PDGFRA: variants seen among roughly 807,000 people sequenced by gnomAD.
The protein encoded by PDGFRA is platelet-derived growth factor receptor alpha.
Under a neutral mutation model 121.5 loss-of-function variants are expected in PDGFRA, and 25 were observed. That is an observed-to-expected ratio of 0.21 (90% CI 0.15 to 0.29). The LOEUF is 0.29. PDGFRA is among the 10% of genes least tolerant of loss of function. The probability of loss-of-function intolerance (pLI) is 1.00; values close to 1 mark genes in which losing one functional copy is unlikely to be tolerated. For missense variants in PDGFRA, 1,008 were observed against 1,345.1 expected, an observed-to-expected ratio of 0.75 and a Z score of 3.92; for synonymous variants, 463 against 494.8, an observed-to-expected ratio of 0.94 and a Z score of 0.85.
At position 54,246,862 on chromosome 4, in the gene PDGFRA, C is replaced by CAA. The variant is rs201183794; in HGVS notation, c.-12-11885_-12-11884dup. Among the ~76,000 whole-genome samples, 444 of 143,308 alleles carry CAA rather than the reference C, an allele frequency of 3.1e-3. 4 individuals carry two copies. Among genetic ancestry groups the CAA allele is most frequent in the East Asian group, 8.9e-3 (44 of 4,932 alleles). The allele number at this position is 143,308 out of a possible 152,430, so 94.0% of individuals were successfully genotyped here. A position where few individuals can be genotyped will look rare whatever the true frequency, so the allele number is the denominator to read the frequency against. ...AAAAGAGAGAAGAATCAAATAGACG[C>CAA]AAAAAAAAAAATGATAAAGGGGATA... is the stretch of plus-strand genomic sequence containing the variant. On this transcript the variant is annotated intron_variant, in intron 1 of 22. Transcript: ENST00000257290.
chr4:54,247,122 C>A (rs1721725248), intron 1 of PDGFRA, among the ~76,000 whole-genome samples: 1 of 152,112 alleles, frequency 6.6e-6, no homozygotes, highest in Admixed American at 6.5e-5. Flanking sequence ...GGATTCACAG[C>A]CGAATTCTAC....
chr4:54,249,483 A>G (rs1297845478), intron 1 of PDGFRA, among the ~76,000 whole-genome samples: 3 of 152,214 alleles, frequency 2.0e-5, no homozygotes, highest in Non-Finnish European at 4.4e-5. Context: ...GGTCCTTTGT[A>G]GGGACATGGA....
At chr4:54,291,114 G>A (rs918457682) in intron 22 of PDGFRA, among the ~76,000 whole-genome samples, 11 of 152,140 alleles carry the variant, frequency 7.2e-5, no homozygotes, top group South Asian at 6.2e-4. Flanking sequence ...GATTTCTAAC[G>A]TGTGCACAAT....
At chr4:54,240,020 T>C (rs1165301885) in intron 1 of PDGFRA, 3 of 420,610 alleles carry the variant, frequency 7.1e-6, no homozygotes, top group South Asian at 5.1e-5. Context: ...CTGGCTAAAT[T>C]TTGTATTTTT....
At chr4:54,269,809 AT>A (rs33917035) in intron 7 of PDGFRA, among the ~76,000 whole-genome samples, 46,038 of 144,356 alleles carry the variant, frequency 0.32, 8,709 homozygotes, top group African/African-American at 0.54. Flanking sequence ...TGCCTGGCTA[AT>A]TTTTTTTTTT....
intron 1 of PDGFRA, among the ~76,000 whole-genome samples, chr4:54,256,123 C>CCAA (rs1722350651): frequency 6.6e-6 from 1 of 152,070 alleles, no homozygotes; most frequent in African/African-American, 2.4e-5. Context: ...TGCCTTATGC[C>CCAA]TGTAATCCCA....
chr4:54,295,347 T>C lies in PDGFRA; in HGVS notation c.*75T>C. Reference sequence around the variant, plus strand: ...CGTTCAGAAAACCACTTTATTGCAATGCAGAGGTTGAGAGGAGGACTTGGT... The same window carrying C: ...CGTTCAGAAAACCACTTTATTGCAACGCAGAGGTTGAGAGGAGGACTTGGT... On this transcript the variant is annotated 3_prime_UTR_variant, in exon 23 of 23. Coordinates refer to ENST00000257290, the MANE Select transcript of PDGFRA (RefSeq NM_006206.6). 3.4e-6 allele frequency: 5 copies of C among 1,471,970 alleles called. No homozygotes were observed. Among genetic ancestry groups the C allele is most frequent in the East Asian group, 2.3e-5 (1 of 44,130 alleles). The allele number at this position is 1,471,970 out of a possible 1,614,324, so 91.2% of individuals were successfully genotyped here.
Position 54,290,474 on chromosome 4 carries a change from T to G in PDGFRA, c.3042T>G (p.Ala1014=). ...GTCTGGATGAGCAGAGACTGAGCGC[T>G]GACAGTGGCTACATCATTCCTCTGC... The part of the protein sequence containing the change: ...EGGLDEQRLS[A]DSGYIIPLPD... The change falls in exon 22 of 23, where the codon GCT becomes GCG. Residue 1014 remains alanine (A), a synonymous_variant. Coordinates refer to ENST00000257290, the MANE Select transcript of PDGFRA (RefSeq NM_006206.6). The G allele has an allele frequency of 1.2e-6, 2 of 1,613,740 alleles. No homozygotes were observed. The highest frequency in any genetic ancestry group is 1.7e-6 in the Non-Finnish European group (2 of 1,179,604).
intron 22 of PDGFRA, among the ~76,000 whole-genome samples, chr4:54,292,789 A>T (rs1465429591): frequency 6.6e-6 from 1 of 152,160 alleles, no homozygotes; most frequent in East Asian, 1.9e-4. Flanking sequence ...AGAAGACCAG[A>T]TACCGCATGT....
In PDGFRA at chr4:54,285,895, G is replaced by A. The variant is rs1315803700; in HGVS notation, c.2494G>A (p.Val832Met). The change falls in exon 18 of 23, where the codon GTG (valine) becomes ATG (methionine). Residue 832 changes from valine to methionine, a missense_variant. Val to Met is a conservative substitution (Grantham distance 21). Transcript: ENST00000257290. Reference sequence around the variant, plus strand: ...CGTCCTCCTGGCACAAGGAAAAATTGTGAAGATCTGTGACTTTGGCCTGGC... The same window carrying A: ...CGTCCTCCTGGCACAAGGAAAAATTATGAAGATCTGTGACTTTGGCCTGGC... ...RNVLLAQGKI[V>M]KICDFGLARD... 6.2e-7 allele frequency: 1 copy of A among 1,614,094 alleles called. No homozygotes were observed. The highest frequency in any genetic ancestry group is 8.5e-7 in the Non-Finnish European group (1 of 1,179,948).
chr4:54,253,767 C>A (rs1243860396), intron 1 of PDGFRA, among the ~76,000 whole-genome samples: 8 of 152,150 alleles, frequency 5.3e-5, no homozygotes, highest in Non-Finnish European at 1.5e-5. Context: ...TCACTGCAAC[C>A]TCTGCCTCCT....
chr4:54,277,845 C>G (rs539738714), intron 13 of PDGFRA, 51 bp from the exon 14 acceptor site: 1 of 1,204,278 alleles, frequency 8.3e-7, no homozygotes, highest in East Asian at 2.3e-5. Flanking sequence ...TTTCTGAGAA[C>G]AGGAAGTTGG....
At chr4:54,285,697 G>A (rs1005554754) in intron 17 of PDGFRA, 144 bp from the exon 18 acceptor site, 2 of 884,664 alleles carry the variant, frequency 2.3e-6, no homozygotes, top group East Asian at 2.4e-5. Flanking sequence ...GGGAGTGGGT[G>A]GAGTGAGAAC....
Position 54,278,223 on chromosome 4 carries a change from TAAAAAAAAAAA to T in PDGFRA, c.2003-119_2003-109del, listed in dbSNP as rs5858262. ...GTCATAGCCATTCATGGCTCTTTAT[TAAAAAAAAAAA>T]AAAAAAAAAAAAAAAAAAACTTTTT... On this transcript the variant is annotated intron_variant, in intron 14 of 22. Transcript: ENST00000257290. 123,906 of 530,356 alleles carry T rather than the reference TAAAAAAAAAAA, an allele frequency of 0.23. 671 individuals carry two copies. Among genetic ancestry groups the T allele is most frequent in the East Asian group, 0.27 (8,326 of 31,032 alleles). The allele number at this position is 530,356 out of a possible 1,614,324, so 32.9% of individuals were successfully genotyped here.
rs1351325058 is a variant in PDGFRA, at chr4:54,278,522, G to A, written c.2156+7G>A. The stretch of plus-strand genomic sequence containing the variant: ...CTGATGAAAGCACACGGAGGTGGGT[G>A]CAAAGAGAGATGTTGCTGTCTATCA... On this transcript the variant is annotated splice_region_variant and intron_variant, in intron 15 of 22. Transcript: ENST00000257290. The A allele has an allele frequency of 3.1e-6, 5 of 1,613,466 alleles. No homozygotes were observed. Among genetic ancestry groups the A allele is most frequent in the Middle Eastern group, 1.7e-4 (1 of 6,058 alleles).
chr4:54,257,656 G>T (rs1158443059), intron 1 of PDGFRA, among the ~76,000 whole-genome samples: 6 of 152,170 alleles, frequency 3.9e-5, no homozygotes, highest in Admixed American at 3.9e-4. Context: ...GCACCTACAA[G>T]TTCATTCACA....
At chr4:54,244,770 G>A (rs930446679) in intron 1 of PDGFRA, among the ~76,000 whole-genome samples, 3 of 152,164 alleles carry the variant, frequency 2.0e-5, no homozygotes, top group Admixed American at 6.6e-5. Flanking sequence ...AAACTACTCC[G>A]AGCTACAGGA....
At chr4:54,288,436 C>T (rs1724460655) in intron 19 of PDGFRA, among the ~76,000 whole-genome samples, 1 of 152,166 alleles carries the variant, frequency 6.6e-6, no homozygotes. Flanking sequence ...GCTATTTGAA[C>T]ATACCTGGTG....
At chr4:54,254,679 G>A (rs1376889444) in intron 1 of PDGFRA, among the ~76,000 whole-genome samples, 1 of 152,210 alleles carries the variant, frequency 6.6e-6, no homozygotes, top group Non-Finnish European at 1.5e-5. Context: ...GAAGTTTGCT[G>A]AGTGGATTGT....
Sources: allele counts gnomAD v4.1 joint callset (sites outside exome capture counted in the v4.1 genomes callset), GRCh38; gene constraint gnomAD v4.1.1; transcripts MANE v1.5; gene names NCBI Gene and HGNC (gene_info 2026-07-23, HGNC 2026-07-21).